Variants in KCNQ3 observed in about 807,000 individuals in gnomAD.
The protein encoded by KCNQ3 is potassium voltage-gated channel subfamily KQT member 3.
A neutral mutation model predicts 92.5 loss-of-function variants in KCNQ3; 30 were observed. That is an observed-to-expected ratio of 0.32 (90% CI 0.24 to 0.44). The LOEUF is 0.44. KCNQ3 is among the 20% of genes least tolerant of loss of function. The pLI, the probability that KCNQ3 is intolerant of heterozygous loss-of-function variation, is 1.00. For missense variants in KCNQ3, 913 were observed against 1,140.3 expected (o/e 0.80, Z 2.87); for synonymous variants, 450 against 468.8 (o/e 0.96, Z 0.52).
intron 9 of KCNQ3, among the ~76,000 whole-genome samples, chr8:132,157,925 G>T (rs571729736): frequency 6.6e-6 from 1 of 151,980 alleles, no homozygotes; most frequent in Non-Finnish European, 1.5e-5. Context: ...GAGAACATGC[G>T]GTGTCTGATA....
intron 1 of KCNQ3, among the ~76,000 whole-genome samples, chr8:132,432,363 A>G (rs991499954): frequency 2.0e-5 from 3 of 152,076 alleles, no homozygotes; most frequent in Non-Finnish European, 4.4e-5. Flanking sequence ...GGCAAAAAAA[A>G]AAAAACCTGG....
At chr8:132,266,371 G>A (rs958361965) in intron 1 of KCNQ3, among the ~76,000 whole-genome samples, 1 of 152,192 alleles carries the variant, frequency 6.6e-6, no homozygotes, top group Non-Finnish European at 1.5e-5. Flanking sequence ...GGAGCCAAGA[G>A]CACATCTTTT....
At chr8:132,248,159 G>A (rs556318884) in intron 1 of KCNQ3, among the ~76,000 whole-genome samples, 3 of 152,200 alleles carry the variant, frequency 2.0e-5, no homozygotes, top group South Asian at 4.2e-4. Context: ...CTGCATGTAA[G>A]AGAAACACTT....
chr8:132,163,769 A>G (rs1293676647), intron 8 of KCNQ3, among the ~76,000 whole-genome samples: 6 of 152,038 alleles, frequency 3.9e-5, no homozygotes, highest in African/African-American at 7.2e-5. Flanking sequence ...CTGAGCACTT[A>G]CTCTGCCCCA....
At chr8:132,437,692 C>G (rs998346975) in intron 1 of KCNQ3, among the ~76,000 whole-genome samples, 1 of 152,120 alleles carries the variant, frequency 6.6e-6, no homozygotes, top group Non-Finnish European at 1.5e-5. Context: ...TCTCATGCAC[C>G]GTATTTTCAT....
intron 1 of KCNQ3, among the ~76,000 whole-genome samples, chr8:132,365,075 T>C (rs1819280785): frequency 6.6e-6 from 1 of 152,152 alleles, no homozygotes; most frequent in Non-Finnish European, 1.5e-5. Flanking sequence ...CTGGTTTTTG[T>C]TTTACATTTT....
chr8:132,365,355 T>C (rs542376203), intron 1 of KCNQ3, among the ~76,000 whole-genome samples: 91 of 152,364 alleles, frequency 6.0e-4, no homozygotes, highest in African/African-American at 2.2e-3. Context: ...ATTTAATTCT[T>C]ACAATAAACC....
intron 1 of KCNQ3, among the ~76,000 whole-genome samples, chr8:132,366,810 A>G (rs926052664): frequency 4.6e-5 from 7 of 152,202 alleles, no homozygotes; most frequent in Non-Finnish European, 5.9e-5. Context: ...ATTCCATTTG[A>G]TCATGGAATA....
intron 1 of KCNQ3, among the ~76,000 whole-genome samples, chr8:132,308,605 T>C (rs1245640375): frequency 1.3e-5 from 2 of 152,162 alleles, no homozygotes; most frequent in African/African-American, 2.4e-5. Context: ...AATGGCTGCA[T>C]GCGTTTGTTT....
chr8:132,175,651 G>C (rs780789576), intron 4 of KCNQ3, 43 bp from the exon 5 acceptor site: 60 of 1,595,180 alleles, frequency 3.8e-5, no homozygotes, highest in Non-Finnish European at 4.9e-5. Flanking sequence ...TCACTGGGGA[G>C]TCGTTGAGTG....
chr8:132,380,997 C>T (rs559325719), intron 1 of KCNQ3, among the ~76,000 whole-genome samples: 7 of 150,410 alleles, frequency 4.7e-5, no homozygotes, highest in Middle Eastern at 3.5e-3. Context: ...AATAGAGGCT[C>T]CAGGAACAAA....
chr8:132,396,245 G>T (rs1391816805), intron 1 of KCNQ3, among the ~76,000 whole-genome samples: 1 of 151,932 alleles, frequency 6.6e-6, no homozygotes, highest in African/African-American at 2.4e-5. Context: ...CAAACACTTG[G>T]GTCTCCCATC....
chr8:132,425,138 C>T (rs534044464), intron 1 of KCNQ3, among the ~76,000 whole-genome samples: 1 of 152,250 alleles, frequency 6.6e-6, no homozygotes, highest in Non-Finnish European at 1.5e-5. Flanking sequence ...CAGTGGAGCT[C>T]GTGGATCTGC....
At chr8:132,337,501 CA>C (rs1818397433) in intron 1 of KCNQ3, among the ~76,000 whole-genome samples, 1 of 151,694 alleles carries the variant, frequency 6.6e-6, no homozygotes, top group South Asian at 2.1e-4. Context: ...AAGACCTTGT[CA>C]AAACAAAAAC....
intron 12 of KCNQ3, among the ~76,000 whole-genome samples, chr8:132,136,858 A>G (rs1269051487): frequency 6.9e-6 from 1 of 145,792 alleles, no homozygotes; most frequent in Non-Finnish European, 1.5e-5. Context: ...TTACGGCTGC[A>G]TAACTTTTTT....
chr8:132,424,386 T>C (rs1018570613), intron 1 of KCNQ3, among the ~76,000 whole-genome samples: 7 of 152,132 alleles, frequency 4.6e-5, no homozygotes, highest in Admixed American at 2.6e-4. Context: ...TTGGTCACTC[T>C]GTGTTCCCAT....
chr8:132,480,679 C>CCG lies in KCNQ3; in HGVS notation c.-148_-147insCG. On this transcript the variant is annotated 5_prime_UTR_variant, in exon 1 of 15. Coordinates refer to ENST00000388996, the MANE Select transcript of KCNQ3 (RefSeq NM_004519.4). ...CCGCGCGCCCCTCCCCACCCCCCCC[C>CCG]AAAAGCAGGCAAAGGCGGGCCCCCT... The CCG allele has an allele frequency of 4.6e-6, 4 of 864,984 alleles. No individual in the cohort carries two copies. Among genetic ancestry groups the CCG allele is most frequent in the Non-Finnish European group, 5.6e-6 (4 of 709,424 alleles). 53.6% of individuals were successfully genotyped at this position (864,984 alleles called of 1,614,324 possible).
intron 1 of KCNQ3, among the ~76,000 whole-genome samples, chr8:132,425,696 A>T (rs977910607): frequency 2.6e-5 from 4 of 151,976 alleles, no homozygotes; most frequent in African/African-American, 9.7e-5. Context: ...CTCCTGGGGG[A>T]CTCCTGCTGT....
intron 1 of KCNQ3, among the ~76,000 whole-genome samples, chr8:132,298,694 G>A (rs2130576644): frequency 6.6e-6 from 1 of 152,292 alleles, no homozygotes; most frequent in East Asian, 1.9e-4. Flanking sequence ...ATCACCTGAG[G>A]TCAGGAGTTT....
Sources: allele counts gnomAD v4.1 joint callset (sites outside exome capture counted in the v4.1 genomes callset), GRCh38; gene constraint gnomAD v4.1.1; transcripts MANE v1.5; gene names NCBI Gene and HGNC (gene_info 2026-07-23, HGNC 2026-07-21).